Variants in PRKCH observed in about 807,000 individuals in gnomAD.
The protein encoded by PRKCH is protein kinase C eta type.
PRKCH carries 28 observed loss-of-function variants against 82.5 expected under a neutral mutation model. The observed-to-expected ratio is 0.34, with a 90% CI of 0.25 to 0.47. The LOEUF is 0.47. PRKCH is among the 20% of genes least tolerant of loss of function. The pLI is 1.00. For synonymous variants in PRKCH, 322 were observed against 327.4 expected (o/e 0.98, Z 0.18); for missense variants, 705 against 881.8 (o/e 0.80, Z 2.54).
chr14:61,460,624 G>A (rs1884985922), intron 9 of PRKCH, among the ~76,000 whole-genome samples: 1 of 152,196 alleles, frequency 6.6e-6, no homozygotes, highest in Non-Finnish European at 1.5e-5. Flanking sequence ...GTACAAAGAA[G>A]CTTAGTTCCT....
rs2140048384 is a variant in PRKCH at position 61,549,886 on chromosome 14, C to T, written c.*55C>T. Reference sequence around the variant, plus strand: ...GAACCCAAAGGGAATAGAGATTCTCCAGGAATTTCCTCTATGGGACCTTCC... The same window carrying T: ...GAACCCAAAGGGAATAGAGATTCTCTAGGAATTTCCTCTATGGGACCTTCC... On this transcript the variant is annotated 3_prime_UTR_variant, in exon 14 of 14. Coordinates refer to ENST00000332981, the MANE Select transcript of PRKCH (RefSeq NM_006255.5). The T allele has an allele frequency of 1.9e-6, 3 of 1,571,214 alleles. No homozygotes were observed. The East Asian group carries it at 6.7e-5, about 35-fold the overall frequency.
chr14:61,430,998 C>T (rs1397291682), intron 2 of PRKCH, among the ~76,000 whole-genome samples: 1 of 152,210 alleles, frequency 6.6e-6, no homozygotes, highest in Non-Finnish European at 1.5e-5. Context: ...TCGCGATCCG[C>T]CCGCCTCGGC....
rs541178724 is a variant in PRKCH, at chr14:61,426,813, C to T, written c.428-16298C>T. On this transcript the variant is annotated intron_variant, in intron 2 of 13. Transcript: ENST00000332981. ...AACTACAAGAAAATGTGGAAAGTTT[C>T]GTCTGAGAAAATTCAACTTTTTCAT... 3.3e-5 allele frequency among the ~76,000 whole-genome samples: 5 copies of T among 152,300 alleles called. No individual in the cohort carries two copies. The East Asian group carries it at 5.8e-4, about 18-fold the overall frequency.
chr14:61,371,800 T>C (rs2046367173), intron 1 of PRKCH, among the ~76,000 whole-genome samples: 1 of 152,050 alleles, frequency 6.6e-6, no homozygotes, highest in African/African-American at 2.4e-5. Flanking sequence ...GCTCACACTT[T>C]AGTTGTGGAG....
chr14:61,526,639 C>T (rs1297455256), intron 10 of PRKCH, among the ~76,000 whole-genome samples: 1 of 152,248 alleles, frequency 6.6e-6, no homozygotes, highest in Admixed American at 6.5e-5. Flanking sequence ...AGAGACCAAC[C>T]TTTTGCCTTG....
chr14:61,315,026 A>G (rs1161714333), intron 1 of PRKCH, among the ~76,000 whole-genome samples: 3 of 152,184 alleles, frequency 2.0e-5, no homozygotes, highest in Non-Finnish European at 4.4e-5. Flanking sequence ...ATCATTTTCA[A>G]TATGAGACCA....
chr14:61,315,783 T>G (rs2045557706), intron 1 of PRKCH, among the ~76,000 whole-genome samples: 2 of 150,904 alleles, frequency 1.3e-5, no homozygotes, highest in Non-Finnish European at 2.9e-5. Flanking sequence ...GGAGTCGCTC[T>G]GTCACCCAGG....
chr14:61,203,010 C>A (rs541602303), intron 1 of PRKCH, among the ~76,000 whole-genome samples: 1 of 151,980 alleles, frequency 6.6e-6, no homozygotes, highest in African/African-American at 2.4e-5. Flanking sequence ...AGACTCCCTG[C>A]GCTCCACCTG....
intron 4 of PRKCH, among the ~76,000 whole-genome samples, chr14:61,446,961 A>G (rs995914750): frequency 6.6e-6 from 1 of 152,242 alleles, no homozygotes; most frequent in African/African-American, 2.4e-5. Context: ...TCAGTGGGTC[A>G]CCTGCTATGT....
At chr14:61,329,668 G>A (rs1431792382) in intron 1 of PRKCH, among the ~76,000 whole-genome samples, 1 of 152,096 alleles carries the variant, frequency 6.6e-6, no homozygotes, top group Non-Finnish European at 1.5e-5. Context: ...GGAACACTTC[G>A]CTTTGCTAAT....
chr14:61,360,400 G>A (rs1400272911), intron 1 of PRKCH, among the ~76,000 whole-genome samples: 2 of 152,126 alleles, frequency 1.3e-5, no homozygotes, highest in African/African-American at 4.8e-5. Context: ...AGCTACTCGG[G>A]AGGCTGAGCC....
intron 10 of PRKCH, among the ~76,000 whole-genome samples, chr14:61,498,943 G>C (rs547224980): frequency 6.6e-6 from 1 of 152,146 alleles, no homozygotes; most frequent in African/African-American, 2.4e-5. Flanking sequence ...TGGTTTGATA[G>C]TGCCAAATCT....
At chr14:61,331,983 G>C (rs548667849) in intron 1 of PRKCH, among the ~76,000 whole-genome samples, 2 of 152,326 alleles carry the variant, frequency 1.3e-5, no homozygotes, top group Admixed American at 1.3e-4. Context: ...TACATTTCAA[G>C]CCATGCAGTT....
At chr14:61,466,017 A>C (rs1480926000) in intron 9 of PRKCH, among the ~76,000 whole-genome samples, 1 of 152,194 alleles carries the variant, frequency 6.6e-6, no homozygotes, top group East Asian at 1.9e-4. Flanking sequence ...GTTAGAATCC[A>C]GGAAATAATA....
At chr14:61,339,622 C>CTT (rs757220300) in intron 1 of PRKCH, among the ~76,000 whole-genome samples, 1,274 of 59,920 alleles carry the variant, frequency 0.021, 32 homozygotes, top group African/African-American at 0.039. Context: ...CAAGCCCGGC[C>CTT]TTTTTTTTTT....
chr14:61,300,749 C>T (rs911661280), intron 1 of PRKCH, among the ~76,000 whole-genome samples: 3 of 152,088 alleles, frequency 2.0e-5, no homozygotes, highest in Non-Finnish European at 4.4e-5. Flanking sequence ...CAAGCTTGCA[C>T]GGGTGAATGG....
rs5809093 is a variant in PRKCH, at chr14:61,395,290, G to GCCCCCCCC, written c.427+4004_427+4011dup. Among the ~76,000 whole-genome samples, 4 of 124,258 alleles carry GCCCCCCCC rather than the reference G, an allele frequency of 3.2e-5. 1 individual carries two copies. The highest frequency in any genetic ancestry group is 1.7e-4 in the Admixed American group (2 of 11,650). 81.5% of individuals were successfully genotyped at this position (124,258 alleles called of 152,430 possible). A position where few individuals can be genotyped will look rare whatever the true frequency, so the allele number is the denominator to read the frequency against. On this transcript the variant is annotated intron_variant, in intron 2 of 13. Coordinates refer to ENST00000332981, the MANE Select transcript of PRKCH (RefSeq NM_006255.5). ...CTGTGTTAAGTAAGAAGGAAATGGAGCCCCCCCCCGCATTTGCCTGCCACA... is the reference window on the plus strand; with the variant it reads ...CTGTGTTAAGTAAGAAGGAAATGGAGCCCCCCCCCCCCCCCCCGCATTTGCCTGCCACA...
At chr14:61,467,835 G>T (rs950942822) in intron 9 of PRKCH, among the ~76,000 whole-genome samples, 2 of 152,116 alleles carry the variant, frequency 1.3e-5, no homozygotes, top group African/African-American at 4.8e-5. Context: ...TTGGCATTCC[G>T]TAAATATCCA....
chr14:61,372,188 C>T (rs2046371606), intron 1 of PRKCH, among the ~76,000 whole-genome samples: 1 of 152,006 alleles, frequency 6.6e-6, no homozygotes, highest in Admixed American at 6.5e-5. Flanking sequence ...GTTATTTCTC[C>T]AGGGACCCTG....
Sources: gnomAD v4.1 joint callset for allele counts (sites outside exome capture counted in the v4.1 genomes callset) on GRCh38, gnomAD v4.1.1 for gene constraint, MANE v1.5 for transcripts, NCBI Gene and HGNC (gene_info 2026-07-23, HGNC 2026-07-21) for gene names.